Variants in ADAMTS16 observed in about 807,000 individuals in gnomAD.
ADAMTS16 encodes A disintegrin and metalloproteinase with thrombospondin motifs 16.
ADAMTS16 carries 94 observed loss-of-function variants against 145.8 expected under a neutral mutation model. That is an observed-to-expected ratio of 0.64 (90% CI 0.55 to 0.77). The LOEUF is 0.77. Ranked by LOEUF, ADAMTS16 falls within the 30% of genes least tolerant of loss-of-function variation. The pLI is 0.00. For synonymous variants in ADAMTS16, 659 were observed against 604.3 expected (o/e 1.09, Z -1.33); for missense variants, 1,585 against 1,591.5 (o/e 1.00, Z 0.07).
At chr5:5,276,788 G>A (rs1405202484) in intron 18 of ADAMTS16, among the ~76,000 whole-genome samples, 1 of 152,006 alleles carries the variant, frequency 6.6e-6, no homozygotes, top group Non-Finnish European at 1.5e-5. Context: ...GCCCCGGAAA[G>A]AGAACATCTC....
At chr5:5,252,149 G>A (rs1325668494) in intron 17 of ADAMTS16, among the ~76,000 whole-genome samples, 3 of 152,096 alleles carry the variant, frequency 2.0e-5, no homozygotes, top group African/African-American at 4.8e-5. Context: ...GTGCCTGGCC[G>A]TCGGTGCTTT....
chr5:5,166,225 C>T (rs1165315356), intron 3 of ADAMTS16, among the ~76,000 whole-genome samples: 1 of 151,152 alleles, frequency 6.6e-6, no homozygotes, highest in Non-Finnish European at 1.5e-5. Context: ...TTACTCTCTC[C>T]CCCTGCCCCA....
intron 21 of ADAMTS16, among the ~76,000 whole-genome samples, chr5:5,311,997 G>A (rs562664714): frequency 2.0e-5 from 3 of 152,192 alleles, no homozygotes; most frequent in East Asian, 1.9e-4. Context: ...GATTACAGGC[G>A]TGAGCCACTG....
At chr5:5,223,112 A>G in intron 11 of ADAMTS16, 1 of 537,668 alleles carries the variant, frequency 1.9e-6, no homozygotes, top group East Asian at 3.1e-5. Context: ...ATTCATAGAC[A>G]TAGAAATCAG....
chr5:5,314,268 C>G (rs1185820274), intron 21 of ADAMTS16, among the ~76,000 whole-genome samples: 4 of 152,170 alleles, frequency 2.6e-5, no homozygotes, highest in Admixed American at 6.5e-5. Context: ...GGAGAGACTT[C>G]ACAGTAAGAA....
intron 17 of ADAMTS16, among the ~76,000 whole-genome samples, chr5:5,250,987 A>G (rs1488963324): frequency 6.6e-6 from 1 of 152,110 alleles, no homozygotes; most frequent in African/African-American, 2.4e-5. Flanking sequence ...GAGTGTAGGC[A>G]GATAAGAAAG....
intron 18 of ADAMTS16, among the ~76,000 whole-genome samples, chr5:5,284,145 G>A (rs1739030498): frequency 6.6e-6 from 1 of 151,868 alleles, no homozygotes; most frequent in Non-Finnish European, 1.5e-5. Context: ...TACTACTATA[G>A]TTGCCTCTAC....
chr5:5,206,175 C>T (rs1316691292), intron 9 of ADAMTS16, among the ~76,000 whole-genome samples: 1 of 151,218 alleles, frequency 6.6e-6, no homozygotes, highest in East Asian at 2.0e-4. Flanking sequence ...GGCTGTAATC[C>T]CAGCACTTTG....
At chr5:5,146,701 C>T (rs192118864) in intron 3 of ADAMTS16, among the ~76,000 whole-genome samples, 93 of 152,302 alleles carry the variant, frequency 6.1e-4, no homozygotes, top group African/African-American at 2.1e-3. Context: ...ACGAGCACTT[C>T]AGCTTGAAAC....
chr5:5,168,624 A>T (rs1225184910), intron 3 of ADAMTS16, among the ~76,000 whole-genome samples: 7 of 113,842 alleles, frequency 6.1e-5, no homozygotes, highest in Admixed American at 2.1e-4. Flanking sequence ...TATATATTAT[A>T]TTATATATAA....
intron 4 of ADAMTS16, among the ~76,000 whole-genome samples, chr5:5,183,781 G>A (rs1038777148): frequency 4.6e-5 from 7 of 152,202 alleles, no homozygotes; most frequent in Non-Finnish European, 8.8e-5. Context: ...GGGAGTGTGC[G>A]TGTGTGTGTA....
intron 21 of ADAMTS16, 123 bp from the exon 22 acceptor site, chr5:5,318,011 G>A (rs775051670): frequency 8.3e-5 from 93 of 1,120,540 alleles, no homozygotes; most frequent in South Asian, 1.1e-4. Flanking sequence ...CTGCCTCTGC[G>A]ACTAAGTCGC....
At position 5,158,514 on chromosome 5, in the gene ADAMTS16, A is replaced by T. The variant is rs982494500; in HGVS notation, c.501+12059A>T. Among the ~76,000 whole-genome samples, 63 of 152,144 alleles carry T rather than the reference A, an allele frequency of 4.1e-4. 1 individual carries two copies. The highest frequency in any genetic ancestry group is 2.0e-4 in the Admixed American group (3 of 15,268). ...AGCATACACTCCCCAATCAGCCATCATGCAGGTCCAAGGAGTGTCTCTGAG... is the reference window on the plus strand; with the variant it reads ...AGCATACACTCCCCAATCAGCCATCTTGCAGGTCCAAGGAGTGTCTCTGAG... On this transcript the variant is annotated intron_variant, in intron 3 of 22. Transcript: ENST00000274181.
At chr5:5,308,161 C>T (rs949843810) in intron 21 of ADAMTS16, among the ~76,000 whole-genome samples, 14 of 152,202 alleles carry the variant, frequency 9.2e-5, no homozygotes, top group African/African-American at 2.7e-4. Flanking sequence ...AAGCCTTTCC[C>T]GCATCCTCCG....
intron 17 of ADAMTS16, among the ~76,000 whole-genome samples, chr5:5,261,746 A>G (rs1246796858): frequency 6.6e-6 from 1 of 152,092 alleles, no homozygotes. Context: ...GGCCGCCCAA[A>G]GTATCTCTTT....
intron 2 of ADAMTS16, among the ~76,000 whole-genome samples, chr5:5,141,057 T>A (rs1328490129): frequency 6.6e-6 from 1 of 152,180 alleles, no homozygotes; most frequent in Non-Finnish European, 1.5e-5. Context: ...TTAGGAAGAA[T>A]CTAAAGCTAT....
intron 18 of ADAMTS16, among the ~76,000 whole-genome samples, chr5:5,274,164 G>A (rs10036927): frequency 0.027 from 4,095 of 152,006 alleles, 181 homozygotes; most frequent in African/African-American, 0.093. Flanking sequence ...ATTCCCCACC[G>A]GCGTGCTCCA....
At chr5:5,242,003 G>A in intron 16 of ADAMTS16, 50 bp from the exon 17 acceptor site, 1 of 1,604,828 alleles carries the variant, frequency 6.2e-7, no homozygotes, top group Non-Finnish European at 8.5e-7. Flanking sequence ...GCATGTACTT[G>A]CTGGTTTTGC....
intron 18 of ADAMTS16, among the ~76,000 whole-genome samples, chr5:5,288,120 C>T (rs543151202): frequency 5.8e-4 from 89 of 152,240 alleles, no homozygotes; most frequent in African/African-American, 2.1e-3. Flanking sequence ...AGGAAGGAGT[C>T]GTCACAGCGG....
Sources: allele counts gnomAD v4.1 joint callset (sites outside exome capture counted in the v4.1 genomes callset), GRCh38; gene constraint gnomAD v4.1.1; transcripts MANE v1.5; gene names NCBI Gene and HGNC (gene_info 2026-07-23, HGNC 2026-07-21).